Variants in NCAPG observed in about 807,000 individuals in gnomAD.
NCAPG encodes condensin complex subunit 3.
In NCAPG, 69 loss-of-function variants were observed where a neutral mutation model predicts 113.1. That is an observed-to-expected ratio of 0.61 (90% CI 0.50 to 0.75). The LOEUF (loss-of-function observed/expected upper bound fraction) is 0.75. Among genes scored for constraint, NCAPG ranks in the 30% least tolerant of loss-of-function variants. The pLI is 0.00. For missense variants in NCAPG, 1,058 were observed against 1,177.0 expected, an observed-to-expected ratio of 0.90 and a Z score of 1.48; for synonymous variants, 370 against 415.8, an observed-to-expected ratio of 0.89 and a Z score of 1.34.
chr4:17,834,193 T>C (rs1721988929), intron 13 of NCAPG, 106 bp from the exon 14 acceptor site: 1 of 696,740 alleles, frequency 1.4e-6, no homozygotes, highest in Admixed American at 3.5e-5. Context: ...GACACTGTCA[T>C]TAAAATTTGA....
chr4:17,814,777 C>A, intron 3 of NCAPG, 76 bp from the exon 4 acceptor site: 2 of 1,454,184 alleles, frequency 1.4e-6, no homozygotes, highest in South Asian at 2.4e-5. Flanking sequence ...TTTAAAATAT[C>A]AAAATGTGTG....
chr4:17,834,573 ATT>A, intron 14 of NCAPG, 50 bp downstream of exon 14: 4 of 1,162,716 alleles, frequency 3.4e-6, no homozygotes, highest in Non-Finnish European at 4.7e-6. Context: ...TTCAGCATGT[ATT>A]TGTTTATTAT....
Position 17,815,283 on chromosome 4 carries a change from G to A in NCAPG, c.700G>A (p.Glu234Lys), listed in dbSNP as rs1280013314. ...ATAAATTATTTTTAAGGTTTTAGCTGAAAAGGTTCATATGAGAGCTATGTC... is the reference window on the plus strand; with the variant it reads ...ATAAATTATTTTTAAGGTTTTAGCTAAAAAGGTTCATATGAGAGCTATGTC... ...VRKLAYQVLA[E>K]KVHMRAMSIA... The change falls in exon 5 of 21, where the codon GAA (glutamate) becomes AAA (lysine). Residue 234 changes from glutamate to lysine, a missense_variant. Physicochemically the swap from Glu to Lys is moderately conservative, Grantham distance 56. Coordinates refer to ENST00000251496, the MANE Select transcript of NCAPG (RefSeq NM_022346.5). The A allele has an allele frequency of 6.3e-7, 1 of 1,598,908 alleles. No homozygotes were observed. Among genetic ancestry groups the A allele is most frequent in the African/African-American group, 1.4e-5 (1 of 73,826 alleles).
chr4:17,814,502 C>T (rs1018129224), intron 3 of NCAPG, among the ~76,000 whole-genome samples: 18 of 152,192 alleles, frequency 1.2e-4, no homozygotes, highest in Admixed American at 2.6e-4. Context: ...GGTTCTCACT[C>T]GGGCTGGATT....
Position 17,840,700 on chromosome 4 carries a change from T to G in NCAPG, c.2854+7T>G. ...CAGCTAAAGACTAACAGAGGTAGTG[T>G]GTGGATTGACCATCTTTATGATAAA... On this transcript the variant is annotated splice_region_variant and intron_variant, in intron 19 of 20. Transcript: ENST00000251496. 6.8e-7 allele frequency: 1 copy of G among 1,478,910 alleles called. No individual in the cohort carries two copies. The highest frequency in any genetic ancestry group is 9.0e-7 in the Non-Finnish European group (1 of 1,114,488). 91.6% of individuals were successfully genotyped at this position (1,478,910 alleles called of 1,614,324 possible).
At position 17,834,474 on chromosome 4, in the gene NCAPG, C is replaced by T. The variant is rs142788491; in HGVS notation, c.2060C>T (p.Ala687Val). The T allele has an allele frequency of 9.0e-5, 144 of 1,607,712 alleles. No individual in the cohort carries two copies. The highest frequency in any genetic ancestry group is 1.2e-4 in the Non-Finnish European group (136 of 1,176,866). Reference protein sequence around the residue: ...EQESKEVEETATAKNVLKLLS... With the variant: ...EQESKEVEETVTAKNVLKLLS... ...GAATCAAAAGAAGTTGAAGAGACTGCTACAGCTAAGAATGTTCTGAAACTC... is the reference window on the plus strand; with the variant it reads ...GAATCAAAAGAAGTTGAAGAGACTGTTACAGCTAAGAATGTTCTGAAACTC... Residue 687 changes from alanine to valine, a missense_variant, in exon 14 of 21, where the codon GCT becomes GTT. By Grantham distance (64) the Ala-to-Val change is moderately conservative (BLOSUM62 0). Coordinates refer to ENST00000251496, the MANE Select transcript of NCAPG (RefSeq NM_022346.5).
Position 17,843,519 on chromosome 4 carries a change from A to T in NCAPG, c.*94A>T. 1 of 1,408,474 alleles carries T rather than the reference A, an allele frequency of 7.1e-7. No individual in the cohort carries two copies. Among genetic ancestry groups the T allele is most frequent in the Non-Finnish European group, 9.7e-7 (1 of 1,026,452 alleles). The allele number at this position is 1,408,474 out of a possible 1,614,324, so 87.2% of individuals were successfully genotyped here. A position where few individuals can be genotyped will look rare whatever the true frequency, so the allele number is the denominator to read the frequency against. On this transcript the variant is annotated 3_prime_UTR_variant, in exon 21 of 21. Transcript: ENST00000251496. ...CCTTGTCAAAATCAGAACAAACCTG[A>T]TGTCTTTCTGAAGATTTTCTGCTGT...
In NCAPG at chr4:17,811,085, C is replaced by T; in HGVS notation, c.8C>T (p.Ala3Val). The change falls in exon 1 of 21, where the codon GCG becomes GTG. Residue 3 changes from alanine to valine, a missense_variant. Coordinates refer to ENST00000251496, the MANE Select transcript of NCAPG (RefSeq NM_022346.5). The surrounding 1 kb of genome is among the most constrained non-coding windows in gnomAD (Gnocchi z 5.3). MG[A>V]ERRLLSIKEA... Reference sequence around the variant, plus strand: ...CGGCAGGGTTCCAGAGCCATGGGAGCGGAAAGGAGGCTGCTGTCGATTAAG... The same window carrying T: ...CGGCAGGGTTCCAGAGCCATGGGAGTGGAAAGGAGGCTGCTGTCGATTAAG... 1 of 1,514,860 alleles carries T rather than the reference C, an allele frequency of 6.6e-7. No individual in the cohort carries two copies. Among genetic ancestry groups the T allele is most frequent in the Non-Finnish European group, 8.9e-7 (1 of 1,129,848 alleles). 93.8% of individuals were successfully genotyped at this position (1,514,860 alleles called of 1,614,324 possible).
intron 7 of NCAPG, among the ~76,000 whole-genome samples, chr4:17,822,761 A>G (rs1721508915): frequency 6.6e-6 from 1 of 152,194 alleles, no homozygotes; most frequent in Admixed American, 6.5e-5. Flanking sequence ...TTGAGTCATT[A>G]TTGAAAATAC....
chr4:17,840,466 C>T (rs75225952), intron 18 of NCAPG, 141 bp from the exon 19 acceptor site: 15,720 of 598,436 alleles, frequency 0.026, 262 homozygotes, highest in African/African-American at 0.038. Flanking sequence ...TTCAAATTTT[C>T]GAAAGGGTGA....
rs201591103 is a variant in NCAPG, at chr4:17,840,142, A to T, written c.2700A>T (p.Glu900Asp). 10 of 1,612,218 alleles carry T rather than the reference A, an allele frequency of 6.2e-6. No homozygotes were observed. Among genetic ancestry groups the T allele is most frequent in the Non-Finnish European group, 8.5e-6 (10 of 1,179,122 alleles). The change falls in exon 18 of 21, where the codon GAA (glutamate) becomes GAT (aspartate). Residue 900 changes from glutamate to aspartate, a missense_variant. Glu to Asp is a conservative substitution (Grantham distance 45). Coordinates refer to ENST00000251496, the MANE Select transcript of NCAPG (RefSeq NM_022346.5). ...TTCAGTTAGAAAAAGGAAATAAAGA[A>T]TTTGGTGACCAAGCTGAAGCAGCAC... is the stretch of plus-strand genomic sequence containing the variant. ...IKIQLEKGNKEFGDQAEAAQD... is the reference protein window; with the variant it reads ...IKIQLEKGNKDFGDQAEAAQD...
chr4:17,825,092 G>A, intron 10 of NCAPG, 35 bp downstream of exon 10: 2 of 1,489,252 alleles, frequency 1.3e-6, no homozygotes, highest in Non-Finnish European at 1.9e-6. Context: ...GTGCTTGAGT[G>A]TAATGTAGCT....
intron 14 of NCAPG, among the ~76,000 whole-genome samples, chr4:17,835,695 G>A (rs1316978110): frequency 6.6e-6 from 1 of 152,134 alleles, no homozygotes; most frequent in Non-Finnish European, 1.5e-5. Flanking sequence ...TAACTGTTCT[G>A]GATATTTTGT....
intron 8 of NCAPG, 63 bp downstream of exon 8, chr4:17,823,186 T>A (rs1560225816): frequency 7.6e-6 from 11 of 1,452,498 alleles, no homozygotes; most frequent in Non-Finnish European, 9.4e-6. Context: ...TGAAATATAG[T>A]CCTTTTACAA....
At chr4:17,815,060 AGTGCCTTTG>A in intron 4 of NCAPG, 62 bp downstream of exon 4, 1 of 1,586,680 alleles carries the variant, frequency 6.3e-7, no homozygotes. Flanking sequence ...ATTTTCTTAA[AGTGCCTTTG>A]AAAAATACTT....
chr4:17,827,647 G>A (rs982030785), intron 11 of NCAPG, among the ~76,000 whole-genome samples: 2 of 152,046 alleles, frequency 1.3e-5, no homozygotes, highest in African/African-American at 4.8e-5. Context: ...GACATGTTGA[G>A]TTTGAGGAAA....
chr4:17,840,311 A>G (rs1473936720), intron 18 of NCAPG, 102 bp downstream of exon 18: 28 of 1,258,890 alleles, frequency 2.2e-5, no homozygotes, highest in Non-Finnish European at 2.8e-5. Flanking sequence ...GTTGGACATC[A>G]GAAATGAATG....
rs775704736 is a variant in NCAPG at position 17,811,147 on chromosome 4, C to G, written c.70C>G (p.Gln24Glu). 3 of 1,520,726 alleles carry G rather than the reference C, an allele frequency of 2.0e-6. No individual in the cohort carries two copies. The South Asian group carries it at 3.7e-5, about 19-fold the overall frequency. 94.2% of individuals were successfully genotyped at this position (1,520,726 alleles called of 1,614,324 possible). A position where few individuals can be genotyped will look rare whatever the true frequency, so the allele number is the denominator to read the frequency against. The change falls in exon 1 of 21, where the codon CAG (glutamine) becomes GAG (glutamate). Residue 24 changes from glutamine (Q) to glutamate (E), a missense_variant. Gln to Glu is a conservative substitution (Grantham distance 29). Transcript: ENST00000251496. The surrounding 1 kb of genome is among the most constrained non-coding windows in gnomAD (Gnocchi z 5.3). ...GCTGGCGCAGCAGCCGCACCAGAACCAGGCGAAGCTGGTGGTGGCGCTGAG... is the reference window on the plus strand; with the variant it reads ...GCTGGCGCAGCAGCCGCACCAGAACGAGGCGAAGCTGGTGGTGGCGCTGAG... ...FRLAQQPHQNQAKLVVALSRT... is the reference protein window; with the variant it reads ...FRLAQQPHQNEAKLVVALSRT...
chr4:17,834,965 A>AT (rs959076969), intron 14 of NCAPG, among the ~76,000 whole-genome samples: 12 of 152,142 alleles, frequency 7.9e-5, no homozygotes, highest in Non-Finnish European at 4.4e-5. Flanking sequence ...GTGGGTTGTT[A>AT]TTTTTTATTT....
Sources: allele counts gnomAD v4.1 joint callset (sites outside exome capture counted in the v4.1 genomes callset), GRCh38; gene constraint gnomAD v4.1.1; non-coding constraint Gnocchi (gnomAD v3.1); transcripts MANE v1.5; gene names NCBI Gene and HGNC (gene_info 2026-07-23, HGNC 2026-07-21).